CTNNA3: variants seen among roughly 807,000 people sequenced by gnomAD.
The protein encoded by CTNNA3 is catenin alpha 3.
A neutral mutation model predicts 95.7 loss-of-function variants in CTNNA3; 76 were observed. The observed-to-expected ratio is 0.79, with a 90% CI of 0.66 to 0.96. The LOEUF is 0.96. Ranked by LOEUF, CTNNA3 falls within the 40% of genes least tolerant of loss-of-function variation. CTNNA3 has a pLI of 0.00. For missense variants in CTNNA3, 1,191 were observed against 1,089.8 expected (o/e 1.09, Z -1.31); for synonymous variants, 431 against 374.4 (o/e 1.15, Z -1.74).
chr10:67,437,930 A>G (rs1285414083), intron 5 of CTNNA3, among the ~76,000 whole-genome samples: 1 of 152,046 alleles, frequency 6.6e-6, no homozygotes, highest in Non-Finnish European at 1.5e-5. Context: ...ATAAATTAAG[A>G]TAAAATAATT....
intron 5 of CTNNA3, among the ~76,000 whole-genome samples, chr10:67,277,817 G>T (rs1839243731): frequency 6.6e-6 from 1 of 152,160 alleles, no homozygotes; most frequent in Admixed American, 6.6e-5. Flanking sequence ...CCATAGTAAT[G>T]TCAGGAAGTT....
intron 13 of CTNNA3, among the ~76,000 whole-genome samples, chr10:66,143,782 T>C (rs540524426): frequency 6.6e-6 from 1 of 152,178 alleles, no homozygotes; most frequent in African/African-American, 2.4e-5. Context: ...ACTTATTCCA[T>C]TCCCTTTGCC....
chr10:67,182,646 A>T (rs1412480496), intron 6 of CTNNA3, among the ~76,000 whole-genome samples: 2 of 152,164 alleles, frequency 1.3e-5, no homozygotes, highest in African/African-American at 4.8e-5. Flanking sequence ...TTCATGTCTA[A>T]AACACCAAAA....
intron 1 of CTNNA3, among the ~76,000 whole-genome samples, chr10:67,745,355 T>A (rs932303173): frequency 2.6e-5 from 4 of 152,096 alleles, no homozygotes; most frequent in African/African-American, 9.7e-5. Context: ...TCATGTCCTT[T>A]GTAGTGACAT....
At position 67,706,899 on chromosome 10, in the gene CTNNA3, C is replaced by T. The variant is rs558202993; in HGVS notation, c.-2+56535G>A. Among the ~76,000 whole-genome samples the T allele has an allele frequency of 5.4e-4, 83 of 152,294 alleles. 2 individuals carry two copies. In the South Asian group the frequency reaches 0.016, roughly 30 times the overall value. ...CCATCTGAATAAACAATACACACTT[C>T]AAACTTGATATGTCCCAAAAAGGAG... On this transcript the variant is annotated intron_variant, in intron 1 of 17. Transcript: ENST00000684154.
At chr10:67,395,867 C>A (rs1450180392) in intron 5 of CTNNA3, among the ~76,000 whole-genome samples, 1 of 152,098 alleles carries the variant, frequency 6.6e-6, no homozygotes, top group African/African-American at 2.4e-5. Flanking sequence ...TTCAGGGTGA[C>A]CTCAAGGCAA....
intron 7 of CTNNA3, among the ~76,000 whole-genome samples, chr10:66,949,199 A>G (rs1379586112): frequency 1.3e-5 from 2 of 152,234 alleles, no homozygotes; most frequent in Admixed American, 6.5e-5. Flanking sequence ...TGCCAAATCA[A>G]TAATAAATTT....
At chr10:66,226,143 G>C (rs1284811144) in intron 13 of CTNNA3, among the ~76,000 whole-genome samples, 3 of 151,926 alleles carry the variant, frequency 2.0e-5, no homozygotes, top group African/African-American at 7.2e-5. Flanking sequence ...ACTTTGCCCA[G>C]GCCAATATCT....
intron 17 of CTNNA3, among the ~76,000 whole-genome samples, chr10:65,932,669 A>G (rs1449918890): frequency 6.6e-6 from 1 of 152,134 alleles, no homozygotes; most frequent in East Asian, 1.9e-4. Flanking sequence ...AGCTCATTGA[A>G]AAGATCTCTT....
intron 5 of CTNNA3, among the ~76,000 whole-genome samples, chr10:67,324,515 C>T (rs1841461968): frequency 6.6e-6 from 1 of 151,916 alleles, no homozygotes; most frequent in Non-Finnish European, 1.5e-5. Flanking sequence ...TTTGTTTTTA[C>T]TTCTGTTATG....
intron 7 of CTNNA3, among the ~76,000 whole-genome samples, chr10:66,925,650 C>T (rs1418573447): frequency 6.6e-6 from 1 of 152,180 alleles, no homozygotes. Context: ...GCAGTTAATG[C>T]TTCTCTGTGA....
At chr10:67,123,079 G>A (rs1859545329) in intron 7 of CTNNA3, among the ~76,000 whole-genome samples, 1 of 152,122 alleles carries the variant, frequency 6.6e-6, no homozygotes, top group South Asian at 2.1e-4. Flanking sequence ...AGGCTCAGCT[G>A]TTAGAGGATC....
chr10:67,711,291 G>A (rs1431387303), intron 1 of CTNNA3, among the ~76,000 whole-genome samples: 1 of 152,200 alleles, frequency 6.6e-6, no homozygotes, highest in East Asian at 1.9e-4. Context: ...TGGGTAATAG[G>A]CAGAGGTTGG....
rs527710797 is a variant in CTNNA3, at chr10:66,340,885, G to A, written c.1732+38267C>T. On this transcript the variant is annotated intron_variant, in intron 12 of 17. Coordinates refer to ENST00000433211, the MANE Select transcript of CTNNA3 (RefSeq NM_013266.4). ...AATTTGAACTCAGATCTGCAGACTC[G>A]ATATATAGTGTTGGTAGTAAAAATT... Among the ~76,000 whole-genome samples, 16 of 151,808 alleles carry A rather than the reference G, an allele frequency of 1.1e-4. No homozygotes were observed. The East Asian group carries it at 2.3e-3, about 22-fold the overall frequency.
chr10:66,671,315 A>G (rs2132472654), intron 9 of CTNNA3, among the ~76,000 whole-genome samples: 1 of 152,298 alleles, frequency 6.6e-6, no homozygotes, highest in Non-Finnish European at 1.5e-5. Context: ...ACAATTGCTG[A>G]AAACCATCTA....
intron 13 of CTNNA3, among the ~76,000 whole-genome samples, chr10:66,123,347 G>A (rs575528588): frequency 7.0e-4 from 106 of 152,222 alleles, no homozygotes; most frequent in African/African-American, 2.2e-3. Context: ...TCTCGCATCC[G>A]GGTCATGCTG....
intron 15 of CTNNA3, among the ~76,000 whole-genome samples, chr10:65,995,530 C>T (rs1453965173): frequency 6.6e-6 from 1 of 152,114 alleles, no homozygotes; most frequent in Non-Finnish European, 1.5e-5. Context: ...CCTCAGGCCT[C>T]GGTGGTGGGC....
chr10:67,008,318 C>G (rs1852125061), intron 7 of CTNNA3, among the ~76,000 whole-genome samples: 1 of 151,880 alleles, frequency 6.6e-6, no homozygotes, highest in East Asian at 1.9e-4. Context: ...ATTCAATAAC[C>G]ATAGTGCTCA....
chr10:65,990,234 G>T (rs571229478), intron 15 of CTNNA3, among the ~76,000 whole-genome samples: 5 of 151,888 alleles, frequency 3.3e-5, no homozygotes, highest in African/African-American at 9.6e-5. Flanking sequence ...CTTTTCTTTG[G>T]ATAAATACTT....
Sources: gnomAD v4.1 joint callset for allele counts (sites outside exome capture counted in the v4.1 genomes callset) on GRCh38, gnomAD v4.1.1 for gene constraint, MANE v1.5 for transcripts, NCBI Gene and HGNC (gene_info 2026-07-23, HGNC 2026-07-21) for gene names.